UBA5: variants seen among roughly 807,000 people sequenced by gnomAD.
UBA5 encodes the protein ubiquitin like modifier activating enzyme 5, also known as ubiquitin-like modifier-activating enzyme 5.
A neutral mutation model predicts 52.9 loss-of-function variants in UBA5; 28 were observed. That is an observed-to-expected ratio of 0.53 (90% CI 0.39 to 0.73). The LOEUF is 0.73. Among genes scored for constraint, UBA5 ranks in the 30% least tolerant of loss-of-function variants. The pLI, the probability that UBA5 is intolerant of heterozygous loss-of-function variation, is 0.00. For missense variants in UBA5, 388 were observed against 492.7 expected, an observed-to-expected ratio of 0.79 and a Z score of 2.01; for synonymous variants, 135 against 162.1, an observed-to-expected ratio of 0.83 and a Z score of 1.27.
chr3:132,675,379 A>G lies in UBA5; in HGVS notation c.944A>G (p.Tyr315Cys). The stretch of plus-strand genomic sequence containing the variant: ...AATTGCAGGAAGCAGCAGGAGGAAT[A>G]TAAGGTATATGACAATCTGTTAGAA... ...DRNCRKQQEE[Y>C]KKKVAALPKQ... The change falls in exon 9 of 12, where the codon TAT (tyrosine) becomes TGT (cysteine). Residue 315 changes from tyrosine to cysteine, a missense_variant. By Grantham distance (194) the Tyr-to-Cys change is radical. Coordinates refer to ENST00000356232, the MANE Select transcript of UBA5 (RefSeq NM_024818.6). 1.9e-6 allele frequency: 3 copies of G among 1,613,526 alleles called. No individual in the cohort carries two copies. Among genetic ancestry groups the G allele is most frequent in the Non-Finnish European group, 2.5e-6 (3 of 1,179,722 alleles).
Position 132,675,819 on chromosome 3 carries a change from A to G in UBA5, c.1027A>G (p.Ile343Val), listed in dbSNP as rs1337687916. ...CTGACATAGGATCAAATTTACAGGT[A>G]TTGAGCTGGTATCTGAGGTTTCAGA... The part of the protein sequence containing the change: ...EIIHEDNEWG[I>V]ELVSEVSEEE... The change falls in exon 11 of 12, where the codon ATT becomes GTT. Residue 343 changes from isoleucine (I) to valine (V), a missense_variant and splice_region_variant. By Grantham distance (29) the Ile-to-Val change is conservative. Around this residue, in one of 3 missense-constraint regions of UBA5, gnomAD observed 277 missense variants for 326.4 expected, o/e 0.85. Transcript: ENST00000356232. 1 of 1,608,296 alleles carries G rather than the reference A, an allele frequency of 6.2e-7. No individual in the cohort carries two copies. The highest frequency in any genetic ancestry group is 2.2e-5 in the East Asian group (1 of 44,728).
chr3:132,675,565 G>A, intron 9 of UBA5, 40 bp from the exon 10 acceptor site: 1 of 1,571,458 alleles, frequency 6.4e-7, no homozygotes, highest in Non-Finnish European at 8.7e-7. Flanking sequence ...AGAGAACTGA[G>A]AATGAGTAAG....
chr3:132,670,564 A>G (rs1938556805), intron 5 of UBA5: 2 of 237,388 alleles, frequency 8.4e-6, no homozygotes, highest in Non-Finnish European at 8.0e-6. Flanking sequence ...TCTAGATTAT[A>G]TTTCTGTCTG....
intron 6 of UBA5, among the ~76,000 whole-genome samples, chr3:132,671,422 A>C (rs1179508186): frequency 6.6e-6 from 1 of 152,190 alleles, no homozygotes; most frequent in Non-Finnish European, 1.5e-5. Flanking sequence ...TTTCTCAAAA[A>C]AAAATTATTT....
rs767916998 is a variant in UBA5, at chr3:132,675,665, G to A, written c.1009G>A (p.Glu337Lys). The change falls in exon 10 of 12, where the codon GAA becomes AAA. Residue 337 changes from glutamate to lysine, a missense_variant. By Grantham distance (56) the Glu-to-Lys change is moderately conservative (BLOSUM62 1). Transcript: ENST00000356232. Reference sequence around the variant, plus strand: ...ACAAGAAGAGGAAGAGATAATCCATGAAGATAATGAATGGGGTAGGTATTC... The same window carrying A: ...ACAAGAAGAGGAAGAGATAATCCATAAAGATAATGAATGGGGTAGGTATTC... ...VIQEEEEIIHEDNEWGIELVS... is the reference protein window; with the variant it reads ...VIQEEEEIIHKDNEWGIELVS... The A allele has an allele frequency of 1.2e-6, 2 of 1,611,316 alleles. No individual in the cohort carries two copies. The highest frequency in any genetic ancestry group is 1.7e-6 in the Non-Finnish European group (2 of 1,178,096).
In UBA5 at chr3:132,661,459, G is replaced by T. The variant is rs535399045; in HGVS notation, c.161+761G>T. ...AGGTCTTAGAGTAGCGCTTGTACAT[G>T]GCAAGCCTTATACAAGATTTTATTG... On this transcript the variant is annotated intron_variant, in intron 1 of 11. Coordinates refer to ENST00000356232, the MANE Select transcript of UBA5 (RefSeq NM_024818.6). 2.0e-5 allele frequency among the ~76,000 whole-genome samples: 3 copies of T among 152,278 alleles called. No individual in the cohort carries two copies. The East Asian group carries it at 5.8e-4, about 29-fold the overall frequency.
chr3:132,667,258 T>A (rs974240978), intron 3 of UBA5: 1 of 152,194 alleles, frequency 6.6e-6, no homozygotes, highest in African/African-American at 2.4e-5. Flanking sequence ...GGAGAAGTGC[T>A]CTTGCATCTC....
At chr3:132,665,056 G>A (rs904770022) in intron 1 of UBA5, among the ~76,000 whole-genome samples, 1 of 152,064 alleles carries the variant, frequency 6.6e-6, no homozygotes, top group African/African-American at 2.4e-5. Context: ...ATCTAACCAA[G>A]ATGACTATCT....
At position 132,675,250 on chromosome 3, in the gene UBA5, T is replaced by C. The variant is rs532711455; in HGVS notation, c.815T>C (p.Phe272Ser). 1 of 1,595,798 alleles carries C rather than the reference T, an allele frequency of 6.3e-7. No individual in the cohort carries two copies. The highest frequency in any genetic ancestry group is 2.2e-5 in the East Asian group (1 of 44,686). Residue 272 changes from phenylalanine to serine, a missense_variant and splice_region_variant, in exon 9 of 12, where the codon TTT becomes TCT. By Grantham distance (155) the Phe-to-Ser change is radical (BLOSUM62 -2). Around this residue, in one of 3 missense-constraint regions of UBA5, gnomAD observed 277 missense variants for 326.4 expected, o/e 0.85. Transcript: ENST00000356232. ...AGILVQNVLKFLLNFGTVSFY... is the reference protein window; with the variant it reads ...AGILVQNVLKSLLNFGTVSFY... ...TAAGTCTATTTTGATTTTTCTAGGT[T>C]TCTGTTAAATTTTGGTACTGTTAGT...
chr3:132,675,414 G>C, intron 9 of UBA5, 31 bp downstream of exon 9: 1 of 1,609,076 alleles, frequency 6.2e-7, no homozygotes, highest in Non-Finnish European at 8.5e-7. Flanking sequence ...ATGCATGAGG[G>C]ATCATATTGA....
At chr3:132,658,912 T>G (rs537055867), upstream of UBA5, among the ~76,000 whole-genome samples, 39 of 152,330 alleles carry the variant, frequency 2.6e-4, no homozygotes, top group Middle Eastern at 3.4e-3. Flanking sequence ...TTATGTAACA[T>G]ATTTAAACTC....
chr3:132,660,361 G>C lies in UBA5; in HGVS notation c.-177G>C, dbSNP rs1018243795. On this transcript the variant is annotated 5_prime_UTR_variant, in exon 1 of 12. Transcript: ENST00000356232. This position sits in a 1 kb window ranked among gnomAD's most constrained non-coding sequence, Gnocchi z 4.1. ...AAGCGGCTCCGAGGAAGGCCTGTGG[G>C]AGTCTCGGAGACGTGTCTGTCTGTG... 4 of 741,062 alleles carry C rather than the reference G, an allele frequency of 5.4e-6. No homozygotes were observed. Among genetic ancestry groups the C allele is most frequent in the Non-Finnish European group, 6.4e-6 (3 of 466,882 alleles). The allele number at this position is 741,062 out of a possible 1,614,324, so 45.9% of individuals were successfully genotyped here. A position where few individuals can be genotyped will look rare whatever the true frequency, so the allele number is the denominator to read the frequency against.
chr3:132,670,255 A>T lies in UBA5; in HGVS notation c.465A>T (p.Glu155Asp), dbSNP rs771493106. ...ACAACTATAATATAACCACAGTGGA[A>T]AACTTTCAACATTTCATGGATAGAA... ...EVHNYNITTV[E>D]NFQHFMDRIS... Residue 155 changes from glutamate (E) to aspartate (D), a missense_variant, in exon 5 of 12, where the codon GAA (glutamate) becomes GAT (aspartate). Transcript: ENST00000356232. 1 of 1,495,454 alleles carries T rather than the reference A, an allele frequency of 6.7e-7. No homozygotes were observed. Among genetic ancestry groups the T allele is most frequent in the South Asian group, 1.2e-5 (1 of 84,660 alleles). 92.6% of individuals were successfully genotyped at this position (1,495,454 alleles called of 1,614,324 possible).
chr3:132,675,203 T>C, intron 8 of UBA5, 45 bp from the exon 9 acceptor site: 3 of 1,422,550 alleles, frequency 2.1e-6, no homozygotes, highest in South Asian at 2.6e-5. Context: ...CTAGTATTTT[T>C]CATGTTTTAA....
intron 2 of UBA5, 46 bp from the exon 3 acceptor site, chr3:132,665,936 ATT>A (rs752006386): frequency 3.1e-6 from 5 of 1,611,294 alleles, no homozygotes; most frequent in Non-Finnish European, 4.2e-6. Context: ...CTGGTGACAT[ATT>A]TGATGAAGAG....
intron 8 of UBA5, among the ~76,000 whole-genome samples, chr3:132,673,027 A>G (rs1465404035): frequency 6.6e-6 from 1 of 152,216 alleles, no homozygotes; most frequent in Non-Finnish European, 1.5e-5. Flanking sequence ...GGAGGTACCA[A>G]TCAATAAGAA....
In UBA5 at chr3:132,670,414, A is replaced by G. The variant is rs185640511; in HGVS notation, c.494+130A>G. On this transcript the variant is annotated intron_variant, in intron 5 of 11. Coordinates refer to ENST00000356232, the MANE Select transcript of UBA5 (RefSeq NM_024818.6). ...ATTTTTCCATTTTTTTAGTACAGCA[A>G]TTTTTGTGTAATTTTTATGTATTAG... is the stretch of plus-strand genomic sequence containing the variant. 1.2e-5 allele frequency: 6 copies of G among 503,136 alleles called. No individual in the cohort carries two copies. In the East Asian group the frequency reaches 1.4e-4, roughly 12 times the overall value. The allele number at this position is 503,136 out of a possible 1,614,324, so 31.2% of individuals were successfully genotyped here.
At chr3:132,656,937 C>T (rs562973134), upstream of UBA5, among the ~76,000 whole-genome samples, 1 of 151,692 alleles carries the variant, frequency 6.6e-6, no homozygotes, top group East Asian at 1.9e-4. Context: ...TTCTGGTGAG[C>T]TATTATAGTT....
rs779873223 is a variant in UBA5, at chr3:132,676,813, G to C, written c.*287G>C. 8 of 486,764 alleles carry C rather than the reference G, an allele frequency of 1.6e-5. No individual in the cohort carries two copies. Among genetic ancestry groups the C allele is most frequent in the Admixed American group, 6.9e-5 (3 of 43,488 alleles). 30.2% of individuals were successfully genotyped at this position (486,764 alleles called of 1,614,324 possible). On this transcript the variant is annotated 3_prime_UTR_variant, in exon 12 of 12. Coordinates refer to ENST00000356232, the MANE Select transcript of UBA5 (RefSeq NM_024818.6). The surrounding 1 kb of genome is among the most constrained non-coding windows in gnomAD (Gnocchi z 4.1). ...TTGAAATGTTTTGGCCTTTTGGAGT[G>C]GGGGAAGGACAAATCTGATCCTGTA...
Sources: allele counts gnomAD v4.1 joint callset (sites outside exome capture counted in the v4.1 genomes callset), GRCh38; gene constraint gnomAD v4.1.1; regional missense constraint gnomAD v4.1.1; non-coding constraint Gnocchi (gnomAD v3.1); transcripts MANE v1.5; gene names NCBI Gene and HGNC (gene_info 2026-07-23, HGNC 2026-07-21).